Variants in OTOL1 observed in about 807,000 individuals in gnomAD.
The protein encoded by OTOL1 is otolin-1.
Under a neutral mutation model 25.0 loss-of-function variants are expected in OTOL1, and 31 were observed. The observed-to-expected ratio is 1.24, with a 90% confidence interval of 0.93 to 1.67. The LOEUF is 1.67. Ranked by LOEUF, OTOL1 falls within the 40% of genes most tolerant of loss-of-function variation. The pLI is 0.00. For synonymous variants in OTOL1, 225 were observed against 210.3 expected, an observed-to-expected ratio of 1.07 and a Z score of -0.61; for missense variants, 654 against 587.7, an observed-to-expected ratio of 1.11 and a Z score of -1.17.
In OTOL1 at chr3:161,503,397, G is replaced by T; in HGVS notation, c.889G>T (p.Glu297Ter). The change falls in exon 4 of 4, where the codon GAG becomes TAG. Residue 297 changes from glutamate (E) to a stop codon, truncating the protein, a stop_gained. Coordinates refer to ENST00000327928, the MANE Select transcript of OTOL1 (RefSeq NM_001080440.1). LOFTEE classifies it low-confidence loss of function (END_TRUNC). ...TCCAGGGATTAAAGGAGAAAAAGGA[G>T]AGTTAGGTCCTCCTGGTCTCCTGGG... is the stretch of plus-strand genomic sequence containing the variant. Reference protein sequence around the residue: ...GDPGIKGEKGELGPPGLLGPT... With the variant: ...GDPGIKGEKG 6.2e-7 allele frequency: 1 copy of T among 1,611,020 alleles called. No homozygotes were observed. Among genetic ancestry groups the T allele is most frequent in the Non-Finnish European group, 8.5e-7 (1 of 1,178,492 alleles).
At chr3:161,498,201 G>A (rs10513565) in intron 1 of OTOL1, among the ~76,000 whole-genome samples, 2,894 of 152,168 alleles carry the variant, frequency 0.019, 86 homozygotes, top group African/African-American at 0.063. Context: ...GCTGCTTGGC[G>A]GTGAAAATCC....
rs1377721620 is a variant in OTOL1, at chr3:161,498,684, C to T, written c.365-487C>T. 2.6e-5 allele frequency among the ~76,000 whole-genome samples: 4 copies of T among 152,158 alleles called. No homozygotes were observed. The South Asian group carries it at 8.3e-4, about 32-fold the overall frequency. On this transcript the variant is annotated intron_variant, in intron 1 of 3. Transcript: ENST00000327928. ...TAAATGTTTATCTTTCATAGACTCT[C>T]AGCTTCATGAGAGTAGGGACTGCTG...
rs77580622 is a variant in OTOL1 at position 161,497,129 on chromosome 3, G to T, written c.322G>T (p.Val108Leu). The change falls in exon 1 of 4, where the codon GTA (valine) becomes TTA (leucine). Residue 108 changes from valine to leucine, a missense_variant. Physicochemically the swap from Val to Leu is conservative, Grantham distance 32. Coordinates refer to ENST00000327928, the MANE Select transcript of OTOL1 (RefSeq NM_001080440.1). ...FLNCCDCCSP[V>L]PGQKGEPGET... ...GAATTGTTGTGATTGTTGTTCACCTGTACCCGGGCAGAAAGGAGAACCTGG... is the reference window on the plus strand; with the variant it reads ...GAATTGTTGTGATTGTTGTTCACCTTTACCCGGGCAGAAAGGAGAACCTGG... 1 of 1,613,318 alleles carries T rather than the reference G, an allele frequency of 6.2e-7. No homozygotes were observed. The highest frequency in any genetic ancestry group is 1.3e-5 in the African/African-American group (1 of 74,880).
chr3:161,499,167 C>T lies in OTOL1; in HGVS notation c.365-4C>T, dbSNP rs752643417. The stretch of plus-strand genomic sequence containing the variant: ...TTCTGATGTATTTAAAATCCCATTT[C>T]TAGGTCCTAAAGGAGAGGCTGGAAA... On this transcript the variant is annotated splice_polypyrimidine_tract_variant and splice_region_variant and intron_variant, in intron 1 of 3. Transcript: ENST00000327928. 2 of 1,603,372 alleles carry T rather than the reference C, an allele frequency of 1.2e-6. No homozygotes were observed. Among genetic ancestry groups the T allele is most frequent in the South Asian group, 1.1e-5 (1 of 88,984 alleles).
In OTOL1 at chr3:161,503,785, A is replaced by G. The variant is rs1243409251; in HGVS notation, c.1277A>G (p.Gln426Arg). 2.5e-6 allele frequency: 4 copies of G among 1,613,842 alleles called. No individual in the cohort carries two copies. The highest frequency in any genetic ancestry group is 2.7e-5 in the African/African-American group (2 of 74,938). The change falls in exon 4 of 4, where the codon CAG becomes CGG. Residue 426 changes from glutamine (Q) to arginine (R), a missense_variant. Gln to Arg is a conservative substitution (Grantham distance 43, BLOSUM62 1). Coordinates refer to ENST00000327928, the MANE Select transcript of OTOL1 (RefSeq NM_001080440.1). ...ACTCTCTATGGTCAGGAAATAGACCAGGCCTCTCTCCTCGTCATCTTGAAA... is the reference window on the plus strand; with the variant it reads ...ACTCTCTATGGTCAGGAAATAGACCGGGCCTCTCTCCTCGTCATCTTGAAA... ...RETLYGQEID[Q>R]ASLLVILKLS...
At chr3:161,502,724 C>G (rs991256795) in intron 3 of OTOL1, among the ~76,000 whole-genome samples, 1 of 152,016 alleles carries the variant, frequency 6.6e-6, no homozygotes, top group African/African-American at 2.4e-5. Context: ...TGGAATACAA[C>G]GAACAACTAC....
intron 2 of OTOL1, among the ~76,000 whole-genome samples, chr3:161,501,529 C>T (rs1237899219): frequency 6.7e-6 from 1 of 148,906 alleles, no homozygotes; most frequent in East Asian, 2.0e-4. Context: ...TACATAGATA[C>T]TCTATATAAA....
chr3:161,499,272 A>C lies in OTOL1; in HGVS notation c.454+12A>C, dbSNP rs1216419281. 2 of 1,574,366 alleles carry C rather than the reference A, an allele frequency of 1.3e-6. No homozygotes were observed. Among genetic ancestry groups the C allele is most frequent in the Non-Finnish European group, 1.7e-6 (2 of 1,158,958 alleles). On this transcript the variant is annotated intron_variant, in intron 2 of 3. Transcript: ENST00000327928. ...CAAAGGAGAGAAAGGTAGGTAATTC[A>C]TTCATGTCAAAACTCAAGGGACATT...
Position 161,503,358 on chromosome 3 carries a change from G to A in OTOL1, c.850G>A (p.Gly284Arg). ...EGKSGRNGLP[G>R]AKGDPGIKGE... ...CAAAAGCGGCCGTAATGGTCTGCCT[G>A]GGGCCAAAGGTGATCCAGGGATTAA... Residue 284 changes from glycine to arginine, a missense_variant, in exon 4 of 4, where the codon GGG becomes AGG. Gly to Arg is a moderately radical substitution (Grantham distance 125). Coordinates refer to ENST00000327928, the MANE Select transcript of OTOL1 (RefSeq NM_001080440.1). 6.2e-7 allele frequency: 1 copy of A among 1,600,726 alleles called. No individual in the cohort carries two copies. The highest frequency in any genetic ancestry group is 8.5e-7 in the Non-Finnish European group (1 of 1,173,740).
intron 2 of OTOL1, among the ~76,000 whole-genome samples, chr3:161,501,625 G>A (rs1442976410): frequency 6.6e-6 from 1 of 151,650 alleles, no homozygotes; most frequent in Non-Finnish European, 1.5e-5. Flanking sequence ...AAACTTGTAG[G>A]GAACATGGCA....
chr3:161,503,373 C>A lies in OTOL1; in HGVS notation c.865C>A (p.Pro289Thr). The change falls in exon 4 of 4, where the codon CCA becomes ACA. Residue 289 changes from proline to threonine, a missense_variant. Pro to Thr is a conservative substitution (Grantham distance 38). Transcript: ENST00000327928. ...TGGTCTGCCTGGGGCCAAAGGTGAT[C>A]CAGGGATTAAAGGAGAAAAAGGAGA... is the stretch of plus-strand genomic sequence containing the variant. ...RNGLPGAKGD[P>T]GIKGEKGELG... 6.2e-7 allele frequency: 1 copy of A among 1,605,674 alleles called. No homozygotes were observed. Among genetic ancestry groups the A allele is most frequent in the Non-Finnish European group, 8.5e-7 (1 of 1,175,880 alleles).
intron 1 of OTOL1, among the ~76,000 whole-genome samples, 179 bp from the exon 2 acceptor site, chr3:161,498,992 A>T (rs1269821241): frequency 6.6e-6 from 1 of 152,168 alleles, no homozygotes; most frequent in African/African-American, 2.4e-5. Flanking sequence ...GGTAGTACGA[A>T]ATTGCAAATC....
At chr3:161,501,104 A>C (rs1718964370) in intron 2 of OTOL1, among the ~76,000 whole-genome samples, 2 of 152,196 alleles carry the variant, frequency 1.3e-5, no homozygotes, top group Non-Finnish European at 2.9e-5. Context: ...TGATAAAATG[A>C]TGACAAAAAT....
Position 161,503,100 on chromosome 3 carries a change from G to C in OTOL1, c.592G>C (p.Asp198His). 1 of 1,419,458 alleles carries C rather than the reference G, an allele frequency of 7.0e-7. No individual in the cohort carries two copies. The highest frequency in any genetic ancestry group is 9.2e-7 in the Non-Finnish European group (1 of 1,085,002). The allele number at this position is 1,419,458 out of a possible 1,614,324, so 87.9% of individuals were successfully genotyped here. The change falls in exon 4 of 4, where the codon GAC (aspartate) becomes CAC (histidine). Residue 198 changes from aspartate to histidine, a missense_variant. By Grantham distance (81) the Asp-to-His change is moderately conservative. Coordinates refer to ENST00000327928, the MANE Select transcript of OTOL1 (RefSeq NM_001080440.1). ...GVKGQKGSKG[D>H]TCGNCTKGEK... ...GAAAGGACAAAAAGGCTCCAAGGGA[G>C]ACACATGTGGGAATTGTACCAAAGG...
chr3:161,502,440 T>C, intron 3 of OTOL1, 71 bp downstream of exon 3: 1 of 1,243,126 alleles, frequency 8.0e-7, no homozygotes, highest in Non-Finnish European at 1.2e-6. Flanking sequence ...TTCCTGCTTG[T>C]ATTTAAAATT....
Position 161,503,806 on chromosome 3 carries a change from T to A in OTOL1, c.1298T>A (p.Leu433Ter), listed in dbSNP as rs753443531. 2 of 1,613,934 alleles carry A rather than the reference T, an allele frequency of 1.2e-6. No individual in the cohort carries two copies. The highest frequency in any genetic ancestry group is 1.7e-5 in the Admixed American group (1 of 60,022). ...EIDQASLLVI[L>*]KLSAGDQVWL... ...GACCAGGCCTCTCTCCTCGTCATCT[T>A]GAAATTAAGTGCAGGAGACCAAGTC... The change falls in exon 4 of 4, where the codon TTG (leucine) becomes TAG (stop). Residue 433 changes from leucine to a stop codon, truncating the protein, a stop_gained. Coordinates refer to ENST00000327928, the MANE Select transcript of OTOL1 (RefSeq NM_001080440.1). LOFTEE classifies it high-confidence loss of function.
chr3:161,499,021 T>C (rs1463340053), intron 1 of OTOL1, 150 bp from the exon 2 acceptor site: 6 of 676,094 alleles, frequency 8.9e-6, no homozygotes. Context: ...ATATTGCCCT[T>C]AGGACTCTGT....
chr3:161,496,884 C>T lies in OTOL1; in HGVS notation c.77C>T (p.Thr26Ile), dbSNP rs763896294. Residue 26 changes from threonine (T) to isoleucine (I), a missense_variant, in exon 1 of 4, where the codon ACA becomes ATA. Transcript: ENST00000327928. ...IAGMNTIAKTTPHTKFTKKSE... is the reference protein window; with the variant it reads ...IAGMNTIAKTIPHTKFTKKSE... ...GGTATGAACACAATAGCAAAGACCA[C>T]ACCACATACCAAATTTACGAAGAAA... 1.2e-6 allele frequency: 2 copies of T among 1,613,006 alleles called. No individual in the cohort carries two copies. Among genetic ancestry groups the T allele is most frequent in the Non-Finnish European group, 1.7e-6 (2 of 1,179,424 alleles).
intron 3 of OTOL1, 76 bp from the exon 4 acceptor site, chr3:161,502,950 T>A (rs1341347087): frequency 3.2e-5 from 37 of 1,154,180 alleles, no homozygotes; most frequent in Non-Finnish European, 3.9e-5. Flanking sequence ...GTTTCTACTT[T>A]TTTGAGCTCT....
Sources: gnomAD v4.1 joint callset for allele counts (sites outside exome capture counted in the v4.1 genomes callset) on GRCh38, gnomAD v4.1.1 for gene constraint, MANE v1.5 for transcripts, NCBI Gene and HGNC (gene_info 2026-07-23, HGNC 2026-07-21) for gene names.